Variants in TTLL6 observed in about 807,000 individuals in gnomAD.
TTLL6 encodes tubulin tyrosine ligase like 6, also known as tubulin polyglutamylase TTLL6.
TTLL6 carries 75 observed loss-of-function variants against 96.4 expected under a neutral mutation model. The observed-to-expected ratio is 0.78, with a 90% CI of 0.65 to 0.94. The LOEUF (loss-of-function observed/expected upper bound fraction) is 0.94, where lower values mean the gene tolerates loss of function less well. TTLL6 is among the 40% of genes least tolerant of loss of function. The pLI is 0.00. For missense variants in TTLL6, 1,030 were observed against 1,093.0 expected (o/e 0.94, Z 0.81); for synonymous variants, 411 against 419.4 (o/e 0.98, Z 0.24).
At chr17:48,794,209 T>C in intron 8 of TTLL6, 1 of 1,614,070 alleles carries the variant, frequency 6.2e-7, no homozygotes, top group Non-Finnish European at 8.5e-7. Flanking sequence ...CTCACCTTAG[T>C]TCTGCTACCC....
Position 48,787,995 on chromosome 17 carries a change from C to T in TTLL6, c.1405G>A (p.Glu469Lys), listed in dbSNP as rs1173046088. The T allele has an allele frequency of 6.2e-7, 1 of 1,613,402 alleles. No homozygotes were observed. Among genetic ancestry groups the T allele is most frequent in the Admixed American group, 1.7e-5 (1 of 59,946 alleles). ...ACGGCCCGGAAACCCTTGGCTTCCT[C>T]AATCCTGTTGGGAAGCAGAACATGG... is the stretch of plus-strand genomic sequence containing the variant. ...QQCCSREMRI[E>K]EAKGFRAVQL... The change falls in exon 11 of 16, where the codon GAG becomes AAG. Residue 469 changes from glutamate (E) to lysine (K), a missense_variant. By Grantham distance (56) the Glu-to-Lys change is moderately conservative. Coordinates refer to ENST00000393382, the MANE Select transcript of TTLL6 (RefSeq NM_001130918.3).
At chr17:48,784,642 G>C (rs373462406) in intron 13 of TTLL6, among the ~76,000 whole-genome samples, 1 of 152,130 alleles carries the variant, frequency 6.6e-6, no homozygotes, top group Non-Finnish European at 1.5e-5. Flanking sequence ...GAGAATAAAC[G>C]GTGTTGCCTC....
At chr17:48,784,822 C>A in intron 13 of TTLL6, 101 bp downstream of exon 13, 1 of 955,252 alleles carries the variant, frequency 1.0e-6, no homozygotes, top group Non-Finnish European at 1.6e-6. Context: ...CCCAGGGAGG[C>A]TCAGTGGCTT....
At chr17:48,774,108 A>ACAAAACAAG (rs1211619297) in intron 13 of TTLL6, among the ~76,000 whole-genome samples, 1 of 130,490 alleles carries the variant, frequency 7.7e-6, no homozygotes, top group Admixed American at 8.8e-5. Context: ...AAAAAAAAAA[A>ACAAAACAAG]AAAACAAGAA....
At chr17:48,796,739 C>T (rs1313789864) in intron 7 of TTLL6, among the ~76,000 whole-genome samples, 8 of 152,150 alleles carry the variant, frequency 5.3e-5, no homozygotes, top group Non-Finnish European at 1.0e-4. Context: ...CATCCACGGC[C>T]TTTTCTCCTT....
chr17:48,771,124 CAG>C (rs976816779), intron 13 of TTLL6, among the ~76,000 whole-genome samples: 1 of 152,110 alleles, frequency 6.6e-6, no homozygotes, highest in Non-Finnish European at 1.5e-5. Context: ...GCCAGAGAAA[CAG>C]AGTGTAAATT....
chr17:48,803,426 G>A (rs1234687708), intron 3 of TTLL6, among the ~76,000 whole-genome samples: 2 of 149,772 alleles, frequency 1.3e-5, no homozygotes, highest in African/African-American at 2.5e-5. Context: ...AACCTAGGAG[G>A]TAGAGGTTGC....
intron 13 of TTLL6, among the ~76,000 whole-genome samples, chr17:48,773,509 G>C (rs1231124726): frequency 9.9e-5 from 15 of 152,114 alleles, no homozygotes; most frequent in Admixed American, 9.8e-4. Context: ...ATCACTTGAG[G>C]TCAGGAGTTT....
In TTLL6 at chr17:48,816,983, T is replaced by TC; in HGVS notation, c.89dup (p.Val31SerfsTer89). 1 of 1,535,030 alleles carries TC rather than the reference T, an allele frequency of 6.5e-7. No individual in the cohort carries two copies. Among genetic ancestry groups the TC allele is most frequent in the Non-Finnish European group, 8.8e-7 (1 of 1,142,634 alleles). On this transcript the variant is annotated frameshift_variant, in exon 1 of 16. Transcript: ENST00000393382. LOFTEE classifies it high-confidence loss of function. ...GGGCGCTCTTACCCGCAATTCCTAC[T>TC]CCCCCGTCTCGCCCCGCTGGGCTGC... is the stretch of plus-strand genomic sequence containing the variant.
At chr17:48,774,745 TA>T (rs1053663473) in intron 13 of TTLL6, among the ~76,000 whole-genome samples, 12 of 152,262 alleles carry the variant, frequency 7.9e-5, no homozygotes, top group African/African-American at 2.4e-4. Flanking sequence ...CTACTTTTTT[TA>T]AATTGAATTT....
At position 48,803,881 on chromosome 17, in the gene TTLL6, A is replaced by G. The variant is rs2039465325; in HGVS notation, c.361+10T>C. The G allele has an allele frequency of 6.4e-7, 1 of 1,551,774 alleles. No homozygotes were observed. The highest frequency in any genetic ancestry group is 1.4e-5 in the African/African-American group (1 of 73,170). On this transcript the variant is annotated intron_variant, in intron 3 of 15. Transcript: ENST00000393382. ...TCCCCATTATAGATCTCCTGAATGT[A>G]GATGCTCACCACTCTCATACCGGCA...
intron 9 of TTLL6, 92 bp downstream of exon 9, chr17:48,791,286 A>G: frequency 8.5e-7 from 1 of 1,175,278 alleles, no homozygotes; most frequent in Admixed American, 2.1e-5. Flanking sequence ...GGAAGTTGAA[A>G]CAATTTAGGT....
At chr17:48,810,947 A>G (rs2143492489) in intron 1 of TTLL6, among the ~76,000 whole-genome samples, 1 of 148,972 alleles carries the variant, frequency 6.7e-6, no homozygotes, top group South Asian at 2.1e-4. Context: ...CATGCCAGCA[A>G]TCAACCAGAG....
chr17:48,781,148 G>C (rs1188845291), intron 13 of TTLL6, among the ~76,000 whole-genome samples: 1 of 151,940 alleles, frequency 6.6e-6, no homozygotes, highest in Non-Finnish European at 1.5e-5. Flanking sequence ...CCGGGTTCAA[G>C]CAATTCTCCT....
intron 13 of TTLL6, among the ~76,000 whole-genome samples, chr17:48,774,108 A>AAAAAAAAAAAAAAAAAAC (rs2038814796): frequency 1.5e-5 from 2 of 130,486 alleles, no homozygotes; most frequent in African/African-American, 2.9e-5. Context: ...AAAAAAAAAA[A>AAAAAAAAAAAAAAAAAAC]AAAACAAGAA....
At position 48,801,353 on chromosome 17, in the gene TTLL6, G is replaced by C. The variant is rs1044904425; in HGVS notation, c.513C>G (p.Ile171Met). 2.3e-5 allele frequency: 35 copies of C among 1,551,578 alleles called. No individual in the cohort carries two copies. Among genetic ancestry groups the C allele is most frequent in the Non-Finnish European group, 3.0e-5 (34 of 1,147,016 alleles). The change falls in exon 5 of 16, where the codon ATC becomes ATG. Residue 171 changes from isoleucine (I) to methionine (M), a missense_variant. Physicochemically the swap from Ile to Met is conservative, Grantham distance 10 (BLOSUM62 1). Transcript: ENST00000393382. ...KINHFPGMSE[I>M]CRKDLLARNM... ...TCCTGGCCAGCAAGTCCTTCCGGCA[G>C]ATTTCACTCATCCCGGGGAAGTGAT...
At chr17:48,763,483 C>A (rs1382286527) in intron 15 of TTLL6, among the ~76,000 whole-genome samples, 1 of 152,156 alleles carries the variant, frequency 6.6e-6, no homozygotes, top group East Asian at 1.9e-4. Context: ...CTTTACCAAG[C>A]CATGAGTCAT....
At chr17:48,814,024 T>TTA (rs1331198694) in intron 1 of TTLL6, among the ~76,000 whole-genome samples, 1 of 151,992 alleles carries the variant, frequency 6.6e-6, no homozygotes. Flanking sequence ...TTAGAGAGTT[T>TTA]TTAAAAGACT....
At chr17:48,801,986 A>T (rs2039424326) in intron 3 of TTLL6, among the ~76,000 whole-genome samples, 1 of 151,550 alleles carries the variant, frequency 6.6e-6, no homozygotes, top group Admixed American at 6.6e-5. Flanking sequence ...TCGAGGCTGC[A>T]GTGAGCCGTG....
Sources: allele counts gnomAD v4.1 joint callset (sites outside exome capture counted in the v4.1 genomes callset), GRCh38; gene constraint gnomAD v4.1.1; transcripts MANE v1.5; gene names NCBI Gene and HGNC (gene_info 2026-07-23, HGNC 2026-07-21).